The following UNC5D variants were observed in gnomAD, a reference collection of about 807,000 sequenced individuals.
The protein encoded by UNC5D is netrin receptor UNC5D.
In UNC5D, 39 loss-of-function variants were observed where a neutral mutation model predicts 105.4. That is an observed-to-expected ratio of 0.37 (90% CI 0.29 to 0.48). The LOEUF (loss-of-function observed/expected upper bound fraction) is 0.48, where lower values mean the gene tolerates loss of function less well. UNC5D is among the 20% of genes least tolerant of loss of function. UNC5D has a pLI of 0.98. For synonymous variants in UNC5D, 452 were observed against 450.4 expected (o/e 1.00, Z -0.04); for missense variants, 991 against 1,202.4 (o/e 0.82, Z 2.60).
At chr8:35,465,724 T>C (rs1451911277) in intron 1 of UNC5D, among the ~76,000 whole-genome samples, 1 of 152,162 alleles carries the variant, frequency 6.6e-6, no homozygotes, top group Non-Finnish European at 1.5e-5. Context: ...TTAGGTTAGA[T>C]GGACTTGAAG....
chr8:35,662,197 A>C (rs997681286), intron 4 of UNC5D, among the ~76,000 whole-genome samples: 4 of 151,926 alleles, frequency 2.6e-5, no homozygotes, highest in African/African-American at 7.3e-5. Flanking sequence ...AAAAAAAAAA[A>C]AAAAAAACTG....
intron 3 of UNC5D, among the ~76,000 whole-genome samples, chr8:35,584,826 T>C (rs1283212575): frequency 6.6e-6 from 1 of 152,182 alleles, no homozygotes; most frequent in African/African-American, 2.4e-5. Flanking sequence ...TGTTTCTTAT[T>C]CTTCAAGCCT....
chr8:35,652,497 T>C (rs68134897), intron 4 of UNC5D, among the ~76,000 whole-genome samples: 27,744 of 152,082 alleles, frequency 0.18, 5,762 homozygotes, highest in African/African-American at 0.51. Flanking sequence ...GGTCATTATA[T>C]GATAATTTAT....
At chr8:35,515,238 T>A (rs1813031496) in intron 1 of UNC5D, among the ~76,000 whole-genome samples, 1 of 152,254 alleles carries the variant, frequency 6.6e-6, no homozygotes, top group Non-Finnish European at 1.5e-5. Flanking sequence ...TTCATCTTCT[T>A]GGTAAATGGA....
chr8:35,780,844 G>A (rs554176917), intron 16 of UNC5D, among the ~76,000 whole-genome samples: 1 of 152,288 alleles, frequency 6.6e-6, no homozygotes, highest in South Asian at 2.1e-4. Flanking sequence ...TACTGAGAAA[G>A]CTGACAATGT....
intron 1 of UNC5D, among the ~76,000 whole-genome samples, chr8:35,251,645 A>C (rs1803704588): frequency 6.6e-6 from 1 of 152,198 alleles, no homozygotes; most frequent in Non-Finnish European, 1.5e-5. Context: ...CATTTTAAGA[A>C]CATGAGGTTA....
intron 1 of UNC5D, among the ~76,000 whole-genome samples, chr8:35,402,046 T>G (rs2128950447): frequency 6.6e-6 from 1 of 152,358 alleles, no homozygotes; most frequent in Admixed American, 6.5e-5. Context: ...ATTGTTTTTC[T>G]GCTCCGTGTG....
chr8:35,605,677 T>C (rs1820243676), intron 4 of UNC5D, among the ~76,000 whole-genome samples: 1 of 152,240 alleles, frequency 6.6e-6, no homozygotes, highest in Non-Finnish European at 1.5e-5. Flanking sequence ...CTCCTTGAGC[T>C]GTGGTGGGCT....
intron 4 of UNC5D, among the ~76,000 whole-genome samples, chr8:35,616,520 A>G (rs1023640634): frequency 2.6e-5 from 4 of 152,076 alleles, no homozygotes; most frequent in African/African-American, 9.7e-5. Flanking sequence ...TCCCGATTTG[A>G]TGGCATTGGA....
At chr8:35,516,137 C>G (rs1813078520) in intron 1 of UNC5D, among the ~76,000 whole-genome samples, 1 of 152,096 alleles carries the variant, frequency 6.6e-6, no homozygotes, top group South Asian at 2.1e-4. Context: ...ATTCCACTTT[C>G]TTGAAAAAGG....
At chr8:35,367,285 C>A (rs182376906) in intron 1 of UNC5D, among the ~76,000 whole-genome samples, 1 of 152,332 alleles carries the variant, frequency 6.6e-6, no homozygotes, top group East Asian at 1.9e-4. Flanking sequence ...TTTACCTTCT[C>A]TTCCCTTTTC....
chr8:35,266,934 A>T (rs1804917258), intron 1 of UNC5D, among the ~76,000 whole-genome samples: 1 of 152,104 alleles, frequency 6.6e-6, no homozygotes, highest in Non-Finnish European at 1.5e-5. Flanking sequence ...GAATTTTAAG[A>T]TGCAGTCTTG....
At chr8:35,669,557 T>C (rs1388130511) in intron 4 of UNC5D, among the ~76,000 whole-genome samples, 1 of 152,082 alleles carries the variant, frequency 6.6e-6, no homozygotes, top group African/African-American at 2.4e-5. Flanking sequence ...TGTATACACA[T>C]TATAAACCTT....
At chr8:35,708,236 C>T (rs1043739385) in intron 8 of UNC5D, among the ~76,000 whole-genome samples, 4 of 152,038 alleles carry the variant, frequency 2.6e-5, no homozygotes, top group African/African-American at 7.2e-5. Context: ...CTTAGAGTTG[C>T]GGGGAGGTGT....
intron 4 of UNC5D, among the ~76,000 whole-genome samples, chr8:35,597,519 A>G (rs1819563452): frequency 6.6e-6 from 1 of 152,108 alleles, no homozygotes; most frequent in African/African-American, 2.4e-5. Flanking sequence ...CAAATGTTTT[A>G]TGCATAAAAA....
intron 1 of UNC5D, among the ~76,000 whole-genome samples, chr8:35,260,080 A>C (rs1804370486): frequency 6.6e-6 from 1 of 152,182 alleles, no homozygotes; most frequent in Admixed American, 6.5e-5. Flanking sequence ...ACCGCTGAGA[A>C]TGAAATCAAC....
intron 8 of UNC5D, among the ~76,000 whole-genome samples, chr8:35,718,212 G>A (rs1018786681): frequency 6.6e-6 from 1 of 152,066 alleles, no homozygotes; most frequent in Admixed American, 6.5e-5. Flanking sequence ...AAATAGGGAT[G>A]AAGAAAACAG....
At chr8:35,744,529 G>C (rs112077039) in intron 11 of UNC5D, among the ~76,000 whole-genome samples, 7,594 of 152,080 alleles carry the variant, frequency 0.05, 390 homozygotes, top group Admixed American at 0.11. Flanking sequence ...CCTTCTCATT[G>C]ATTCATTCTT....
intron 1 of UNC5D, among the ~76,000 whole-genome samples, chr8:35,336,950 G>T (rs945511132): frequency 1.4e-4 from 22 of 152,016 alleles, no homozygotes; most frequent in African/African-American, 5.3e-4. Context: ...GCGAGCAGTT[G>T]CTATCTTATA....
Sources: allele counts gnomAD v4.1 joint callset (sites outside exome capture counted in the v4.1 genomes callset), GRCh38; gene constraint gnomAD v4.1.1; transcripts MANE v1.5; gene names NCBI Gene and HGNC (gene_info 2026-07-23, HGNC 2026-07-21).